The following CD46 variants were observed in gnomAD, a reference collection of about 807,000 sequenced individuals.
The protein encoded by CD46 is CD46 molecule.
CD46 carries 30 observed loss-of-function variants against 53.3 expected under a neutral mutation model. The ratio of observed to expected loss-of-function variants is 0.56; its 90% confidence interval spans 0.42 to 0.76. CD46 has a LOEUF of 0.76. Among genes scored for constraint, CD46 ranks in the 30% least tolerant of loss-of-function variants. The pLI, the probability that CD46 is intolerant of heterozygous loss-of-function variation, is 0.00. For synonymous variants in CD46, 142 were observed against 152.0 expected (o/e 0.93, Z 0.48); for missense variants, 409 against 463.0 (o/e 0.88, Z 1.07).
chr1:207,790,289 A>T lies in CD46; in HGVS notation c.1119A>T (p.Lys373Asn). 6.3e-7 allele frequency: 1 copy of T among 1,598,202 alleles called. No homozygotes were observed. The highest frequency in any genetic ancestry group is 8.6e-7 in the Non-Finnish European group (1 of 1,165,694). The change falls in exon 12 of 13, where the codon AAA (lysine) becomes AAT (asparagine). Residue 373 changes from lysine to asparagine, a missense_variant. Transcript: ENST00000367042. ...CTGATGAGACCCACAGAGAAGTAAA[A>T]TTTACTTCTCTCTGAGAAGGAGAGA... Reference protein sequence around the residue: ...YLTDETHREVKFTSL With the variant: ...YLTDETHREVNFTSL
chr1:207,765,939 TA>T (rs940523887), intron 5 of CD46, among the ~76,000 whole-genome samples: 8 of 152,192 alleles, frequency 5.3e-5, no homozygotes, highest in African/African-American at 1.9e-4. Flanking sequence ...CCACCTGTGC[TA>T]CCTCTAAAAG....
chr1:207,787,296 T>G (rs1252806324), intron 11 of CD46, among the ~76,000 whole-genome samples: 1 of 152,148 alleles, frequency 6.6e-6, no homozygotes, highest in Admixed American at 6.5e-5. Flanking sequence ...GGTCTTGAAC[T>G]CCTGACCTCA....
At position 207,793,595 on chromosome 1, in the gene CD46, G is replaced by A. The variant is rs1334488844; in HGVS notation, c.*118G>A. On this transcript the variant is annotated 3_prime_UTR_variant, in exon 13 of 13. Coordinates refer to ENST00000367042, the MANE Select transcript of CD46 (RefSeq NM_172351.3). ...TCCAGCAGAGCAGAGAGGCTGAATA[G>A]ATTCCACAACCTGGTTTGCCAGTTC... The A allele has an allele frequency of 6.2e-7, 1 of 1,612,766 alleles. No homozygotes were observed. Among genetic ancestry groups the A allele is most frequent in the Non-Finnish European group, 8.5e-7 (1 of 1,178,886 alleles).
intron 12 of CD46, among the ~76,000 whole-genome samples, chr1:207,792,385 C>T (rs1659876213): frequency 6.6e-6 from 1 of 152,126 alleles, no homozygotes; most frequent in South Asian, 2.1e-4. Context: ...TAGGGAACTG[C>T]AATATTATAA....
At chr1:207,763,447 T>G (rs1301289775) in intron 5 of CD46, among the ~76,000 whole-genome samples, 1 of 152,090 alleles carries the variant, frequency 6.6e-6, no homozygotes, top group Non-Finnish European at 1.5e-5. Context: ...CAGTGGGAGC[T>G]AGGGCTCTCC....
At chr1:207,780,149 C>G (rs892921071) in intron 8 of CD46, among the ~76,000 whole-genome samples, 5 of 151,830 alleles carry the variant, frequency 3.3e-5, no homozygotes, top group African/African-American at 9.7e-5. Flanking sequence ...TGAATCTCTA[C>G]TCATTAAACA....
At chr1:207,769,698 G>A (rs1300945286) in intron 7 of CD46, 1 of 151,840 alleles carries the variant, frequency 6.6e-6, no homozygotes, top group Non-Finnish European at 1.5e-5. Flanking sequence ...AGAGAAAGAT[G>A]TAAATTATGT....
chr1:207,775,332 G>A (rs978404635), intron 8 of CD46, among the ~76,000 whole-genome samples: 4 of 151,988 alleles, frequency 2.6e-5, no homozygotes, highest in Non-Finnish European at 5.9e-5. Flanking sequence ...GAACATCTTA[G>A]CTTGGAGAAG....
Position 207,752,097 on chromosome 1 carries a change from T to C in CD46, c.-116T>C. 1.7e-5 allele frequency: 17 copies of C among 1,000,324 alleles called. No individual in the cohort carries two copies. Among genetic ancestry groups the C allele is most frequent in the Non-Finnish European group, 2.5e-5 (16 of 633,118 alleles). 62.0% of individuals were successfully genotyped at this position (1,000,324 alleles called of 1,614,324 possible). A position where few individuals can be genotyped will look rare whatever the true frequency, so the allele number is the denominator to read the frequency against. ...ACCTGTCCTGCAGCACTGGATGCTT[T>C]GTGAGTTGGGGATTGTTGCGTCCCA... On this transcript the variant is annotated 5_prime_UTR_variant, in exon 1 of 13. Transcript: ENST00000367042. The surrounding 1 kb of genome is among the most constrained non-coding windows in gnomAD (Gnocchi z 4.1).
At chr1:207,783,650 A>G (rs951585359) in intron 9 of CD46, 1 of 190,376 alleles carries the variant, frequency 5.3e-6, no homozygotes, top group Admixed American at 5.9e-5. Flanking sequence ...CGCAGTTTAC[A>G]CAATGCATGT....
chr1:207,782,548 G>A (rs1658846334), intron 8 of CD46, among the ~76,000 whole-genome samples: 1 of 151,100 alleles, frequency 6.6e-6, no homozygotes, highest in African/African-American at 2.4e-5. Context: ...TATGATGTTA[G>A]CTGTGGGTTT....
At position 207,752,895 on chromosome 1, in the gene CD46, A is replaced by G. The variant is rs41266399; in HGVS notation, c.97+586A>G. Among the ~76,000 whole-genome samples the G allele has an allele frequency of 1.0e-3, 155 of 151,986 alleles. No individual in the cohort carries two copies. Among genetic ancestry groups the G allele is most frequent in the African/African-American group, 3.7e-3 (152 of 41,438 alleles). On this transcript the variant is annotated intron_variant, in intron 1 of 12. Coordinates refer to ENST00000367042, the MANE Select transcript of CD46 (RefSeq NM_172351.3). The surrounding 1 kb of genome is among the most constrained non-coding windows in gnomAD (Gnocchi z 4.1). ...AGTTCACTGTGGGCAAGACAGCTCA[A>G]CTGTTTGCTTTGAATGGAGTGAGCG...
chr1:207,790,273 C>T lies in CD46; in HGVS notation c.1103C>T (p.Thr368Ile), dbSNP rs146803767. Residue 368 changes from threonine to isoleucine, a missense_variant, in exon 12 of 13, where the codon ACC becomes ATC. Coordinates refer to ENST00000367042, the MANE Select transcript of CD46 (RefSeq NM_172351.3). ...KKKGTYLTDE[T>I]HREVKFTSL ...TTCAGCACATACCTAACTGATGAGA[C>T]CCACAGAGAAGTAAAATTTACTTCT... 7.3e-4 allele frequency: 1,170 copies of T among 1,592,394 alleles called. 1 individual carries two copies. The highest frequency in any genetic ancestry group is 1.0e-3 in the Admixed American group (60 of 59,996).
intron 8 of CD46, among the ~76,000 whole-genome samples, chr1:207,782,084 A>G (rs1174531636): frequency 1.3e-5 from 2 of 152,144 alleles, no homozygotes; most frequent in Non-Finnish European, 1.5e-5. Context: ...TTTATTTTAT[A>G]TCTTTAATTT....
chr1:207,770,374 C>T lies in CD46; in HGVS notation c.943+12C>T, dbSNP rs1174308620. ...CTCAAATTATCCAGGTTGGTTAACT[C>T]TTTATCCTACTGATATTGTTAAGAA... is the stretch of plus-strand genomic sequence containing the variant. On this transcript the variant is annotated intron_variant, in intron 8 of 12. Coordinates refer to ENST00000367042, the MANE Select transcript of CD46 (RefSeq NM_172351.3). The T allele has an allele frequency of 6.5e-7, 1 of 1,528,590 alleles. No homozygotes were observed. Among genetic ancestry groups the T allele is most frequent in the South Asian group, 1.1e-5 (1 of 88,896 alleles). 94.7% of individuals were successfully genotyped at this position (1,528,590 alleles called of 1,614,324 possible).
chr1:207,759,988 T>C lies in CD46; in HGVS notation c.475+264T>C, dbSNP rs41317079. 593 of 352,426 alleles carry C rather than the reference T, an allele frequency of 1.7e-3. 4 individuals are homozygous for C. Among genetic ancestry groups the C allele is most frequent in the African/African-American group, 0.012 (544 of 46,856 alleles). The allele number at this position is 352,426 out of a possible 1,614,324, so 21.8% of individuals were successfully genotyped here. A position where few individuals can be genotyped will look rare whatever the true frequency, so the allele number is the denominator to read the frequency against. ...GGTGCAGTGGCACAATCTCAGCTCA[T>C]TGCAGCCTCAGCCTCTCCAGTAGCT... On this transcript the variant is annotated intron_variant, in intron 4 of 12. Coordinates refer to ENST00000367042, the MANE Select transcript of CD46 (RefSeq NM_172351.3).
At chr1:207,774,328 CTT>C (rs1481787458) in intron 8 of CD46, among the ~76,000 whole-genome samples, 5 of 152,060 alleles carry the variant, frequency 3.3e-5, no homozygotes, top group Admixed American at 6.5e-5. Context: ...GGTCTTGACT[CTT>C]TATCCAATTT....
In CD46 at chr1:207,793,944, T is replaced by C. The variant is rs953478028; in HGVS notation, c.*467T>C. The C allele has an allele frequency of 3.2e-4, 79 of 249,056 alleles. No individual in the cohort carries two copies. Among genetic ancestry groups the C allele is most frequent in the Non-Finnish European group, 5.5e-4 (69 of 125,354 alleles). The allele number at this position is 249,056 out of a possible 1,614,324, so 15.4% of individuals were successfully genotyped here. ...TTTGTAAAGAAAGTGGCTTGAAATC[T>C]TTTTTGTTCAAAGATTAATGCCAAC... On this transcript the variant is annotated 3_prime_UTR_variant, in exon 13 of 13. Coordinates refer to ENST00000367042, the MANE Select transcript of CD46 (RefSeq NM_172351.3).
At position 207,794,445 on chromosome 1, in the gene CD46, T is replaced by A. The variant is rs768037862; in HGVS notation, c.*968T>A. On this transcript the variant is annotated 3_prime_UTR_variant, in exon 13 of 13. Coordinates refer to ENST00000367042, the MANE Select transcript of CD46 (RefSeq NM_172351.3). ...CACTCTGAATTCTGGTTACATGTGT[T>A]TTTCTCTCCCTCCTTAAATAAAGAG... 5.3e-5 allele frequency: 8 copies of A among 152,160 alleles called. No homozygotes were observed. The highest frequency in any genetic ancestry group is 1.2e-4 in the Non-Finnish European group (8 of 68,016). 9.4% of individuals were successfully genotyped at this position (152,160 alleles called of 1,614,324 possible). A position where few individuals can be genotyped will look rare whatever the true frequency, so the allele number is the denominator to read the frequency against.
Sources: gnomAD v4.1 joint callset for allele counts (sites outside exome capture counted in the v4.1 genomes callset) on GRCh38, gnomAD v4.1.1 for gene constraint, Gnocchi (gnomAD v3.1) non-coding constraint, MANE v1.5 for transcripts, NCBI Gene and HGNC (gene_info 2026-07-23, HGNC 2026-07-21) for gene names.